LSAMP: variants seen among roughly 807,000 people sequenced by gnomAD.
LSAMP encodes the protein limbic system associated membrane protein.
In LSAMP, 7 loss-of-function variants were observed where a neutral mutation model predicts 38.6. The ratio of observed to expected loss-of-function variants is 0.18; its 90% CI spans 0.10 to 0.34. The LOEUF (loss-of-function observed/expected upper bound fraction) is 0.34, where lower values mean the gene tolerates loss of function less well. LSAMP is among the 10% of genes least tolerant of loss of function. LSAMP has a pLI of 1.00. For missense variants in LSAMP, 313 were observed against 420.0 expected, an observed-to-expected ratio of 0.75 and a Z score of 2.23; for synonymous variants, 154 against 166.8, an observed-to-expected ratio of 0.92 and a Z score of 0.59.
rs73858562 is a variant in LSAMP at position 116,221,400 on chromosome 3, A to G, written c.156-134844T>C. ...ACCAAGAACCTCAGGATTCCAAGCT[A>G]TAGCCTTGTCCACTCTCCCATCCCA... On this transcript the variant is annotated intron_variant, in intron 1 of 6. Transcript: ENST00000490035. Among the ~76,000 whole-genome samples the G allele has an allele frequency of 2.5e-3, 374 of 152,278 alleles. 1 individual carries two copies. The highest frequency in any genetic ancestry group is 8.5e-3 in the African/African-American group (355 of 41,556).
intron 3 of LSAMP, among the ~76,000 whole-genome samples, chr3:115,891,175 C>T (rs1333528321): frequency 1.3e-5 from 2 of 151,952 alleles, no homozygotes; most frequent in Non-Finnish European, 2.9e-5. Context: ...GACATAATGT[C>T]AGGAACAGCC....
chr3:116,270,032 T>TAATC (rs1431832945), intron 1 of LSAMP, among the ~76,000 whole-genome samples: 2 of 152,192 alleles, frequency 1.3e-5, no homozygotes, highest in East Asian at 1.9e-4. Context: ...TCTAAAATTC[T>TAATC]AATCATCAAC....
chr3:115,869,036 T>C (rs192984959), intron 3 of LSAMP, among the ~76,000 whole-genome samples: 103 of 152,282 alleles, frequency 6.8e-4, no homozygotes, highest in Middle Eastern at 3.4e-3. Flanking sequence ...TATGAGTGTT[T>C]TCTAGCACAC....
intron 3 of LSAMP, among the ~76,000 whole-genome samples, chr3:115,873,127 T>C (rs1172413270): frequency 6.6e-6 from 1 of 152,100 alleles, no homozygotes; most frequent in Non-Finnish European, 1.5e-5. Flanking sequence ...CCCAGCACTT[T>C]GGGAGGCCAA....
intron 6 of LSAMP, among the ~76,000 whole-genome samples, chr3:115,825,677 C>T (rs1934384098): frequency 6.6e-6 from 1 of 152,192 alleles, no homozygotes; most frequent in African/African-American, 2.4e-5. Context: ...AATGCCCAAT[C>T]TCTAACCTTT....
chr3:116,181,398 T>C (rs538557313), intron 1 of LSAMP, among the ~76,000 whole-genome samples: 28 of 152,144 alleles, frequency 1.8e-4, no homozygotes, highest in African/African-American at 6.7e-4. Flanking sequence ...AATTCCTCAG[T>C]TGTCAGCCCC....
chr3:116,163,064 TC>T (rs1284662660), intron 1 of LSAMP, among the ~76,000 whole-genome samples: 1 of 151,102 alleles, frequency 6.6e-6, no homozygotes, highest in African/African-American at 2.4e-5. Flanking sequence ...ATGAAGAAGA[TC>T]TTTTTTTTTA....
At chr3:116,372,647 A>G (rs1048984381) in intron 1 of LSAMP, among the ~76,000 whole-genome samples, 2 of 151,888 alleles carry the variant, frequency 1.3e-5, no homozygotes, top group African/African-American at 2.4e-5. Context: ...GTTAGAAAAT[A>G]TTTGCAAATA....
intron 3 of LSAMP, among the ~76,000 whole-genome samples, chr3:115,980,944 G>A (rs1939340691): frequency 6.6e-6 from 1 of 152,084 alleles, no homozygotes; most frequent in African/African-American, 2.4e-5. Context: ...GAAAGGAAAC[G>A]GAGAGGTGAA....
At chr3:116,387,996 C>T (rs919948807) in intron 1 of LSAMP, among the ~76,000 whole-genome samples, 4 of 151,672 alleles carry the variant, frequency 2.6e-5, no homozygotes, top group South Asian at 2.1e-4. Flanking sequence ...CCCAGCTACT[C>T]GGGAGGCTGA....
At chr3:116,060,322 A>G (rs1941570795) in intron 2 of LSAMP, among the ~76,000 whole-genome samples, 1 of 152,174 alleles carries the variant, frequency 6.6e-6, no homozygotes, top group African/African-American at 2.4e-5. Context: ...AATATACCTT[A>G]AAGAGGTAAA....
chr3:116,397,906 C>T (rs2048789596), intron 1 of LSAMP, among the ~76,000 whole-genome samples: 1 of 152,040 alleles, frequency 6.6e-6, no homozygotes, highest in Non-Finnish European at 1.5e-5. Context: ...CTTGAGCACA[C>T]ATCTGTAAAT....
At chr3:115,916,267 A>C (rs1172185245) in intron 3 of LSAMP, among the ~76,000 whole-genome samples, 1 of 152,158 alleles carries the variant, frequency 6.6e-6, no homozygotes, top group African/African-American at 2.4e-5. Context: ...CAGAATGAAA[A>C]ACAATGGAGA....
chr3:115,844,569 G>A (rs948286492), intron 4 of LSAMP, among the ~76,000 whole-genome samples: 4 of 152,112 alleles, frequency 2.6e-5, no homozygotes, highest in Non-Finnish European at 4.4e-5. Flanking sequence ...TTCTGGGCTT[G>A]GATTTAAAAT....
intron 3 of LSAMP, among the ~76,000 whole-genome samples, chr3:115,929,842 T>C (rs2107537682): frequency 6.6e-6 from 1 of 152,262 alleles, no homozygotes; most frequent in Middle Eastern, 3.4e-3. Context: ...TCTAGCTTCT[T>C]GGAGTTCTAC....
intron 1 of LSAMP, among the ~76,000 whole-genome samples, chr3:116,442,272 C>T (rs1410306992): frequency 6.6e-6 from 1 of 152,060 alleles, no homozygotes; most frequent in African/African-American, 2.4e-5. Context: ...AATTACAAAC[C>T]TCCCTTGTCT....
intron 1 of LSAMP, among the ~76,000 whole-genome samples, chr3:116,135,373 G>A (rs1322613844): frequency 6.6e-6 from 1 of 152,184 alleles, no homozygotes; most frequent in African/African-American, 2.4e-5. Flanking sequence ...GTGCTGTGAT[G>A]TAGATACCTT....
chr3:116,421,549 A>AT lies in LSAMP; in HGVS notation c.155+23327_155+23328insA, dbSNP rs2049126582. 2.7e-5 allele frequency among the ~76,000 whole-genome samples: 4 copies of AT among 145,828 alleles called. No individual in the cohort carries two copies. The South Asian group carries it at 8.8e-4, about 32-fold the overall frequency. ...ACAAGAGCAAGATTCTGTCTAAAAAAAAAAAAGAAGAAGAAGAAGAGTTCT... is the reference window on the plus strand; with the variant it reads ...ACAAGAGCAAGATTCTGTCTAAAAAATAAAAAAGAAGAAGAAGAAGAGTTCT... On this transcript the variant is annotated intron_variant, in intron 1 of 6. Coordinates refer to ENST00000490035, the MANE Select transcript of LSAMP (RefSeq NM_002338.5).
chr3:116,006,815 T>A (rs532047344), intron 3 of LSAMP, among the ~76,000 whole-genome samples: 2 of 152,328 alleles, frequency 1.3e-5, no homozygotes, highest in African/African-American at 4.8e-5. Context: ...TTTGGTGCAA[T>A]TTGAAGCAAT....
Sources: allele counts gnomAD v4.1 joint callset (sites outside exome capture counted in the v4.1 genomes callset), GRCh38; gene constraint gnomAD v4.1.1; transcripts MANE v1.5; gene names NCBI Gene and HGNC (gene_info 2026-07-23, HGNC 2026-07-21).